Variants in PARP15 observed in about 807,000 individuals in gnomAD.
The protein encoded by PARP15 is protein mono-ADP-ribosyltransferase PARP15.
PARP15 carries 50 observed loss-of-function variants against 62.1 expected under a neutral mutation model. That is an observed-to-expected ratio of 0.81 (90% CI 0.64 to 1.02). The LOEUF (loss-of-function observed/expected upper bound fraction) is 1.02. Among genes scored for constraint, PARP15 ranks in the 50% least tolerant of loss-of-function variants. The probability of loss-of-function intolerance (pLI) is 0.00; values close to 1 mark genes in which losing one functional copy is unlikely to be tolerated. For missense variants in PARP15, 820 were observed against 826.5 expected (o/e 0.99, Z 0.10); for synonymous variants, 309 against 293.1 (o/e 1.05, Z -0.55).
At position 122,638,794 on chromosome 3, in the gene PARP15, C is replaced by T. The variant is rs958856209; in HGVS notation, c.*2694C>T. 6.6e-6 allele frequency: 1 copy of T among 152,104 alleles called. No individual in the cohort carries two copies. The highest frequency in any genetic ancestry group is 1.5e-5 in the Non-Finnish European group (1 of 68,010). The allele number at this position is 152,104 out of a possible 1,614,324, so 9.4% of individuals were successfully genotyped here. ...TAGTTTCTTTTGTTGTACAGAAGCT[C>T]TTTAGTTTAATTAGATCCCATATTT... is the stretch of plus-strand genomic sequence containing the variant. On this transcript the variant is annotated 3_prime_UTR_variant, in exon 12 of 12. Transcript: ENST00000464300.
At chr3:122,630,137 G>A (rs1261491988) in intron 9 of PARP15, among the ~76,000 whole-genome samples, 1 of 152,182 alleles carries the variant, frequency 6.6e-6, no homozygotes, top group African/African-American at 2.4e-5. Flanking sequence ...TAAAAGGGTA[G>A]TTATCATGCT....
At chr3:122,589,779 A>G (rs1933727900) in intron 1 of PARP15, among the ~76,000 whole-genome samples, 1 of 151,050 alleles carries the variant, frequency 6.6e-6, no homozygotes, top group Admixed American at 6.6e-5. Flanking sequence ...TACAAGTCTT[A>G]TTGGCTATAT....
At chr3:122,589,310 C>T (rs939472661) in intron 1 of PARP15, among the ~76,000 whole-genome samples, 1 of 152,130 alleles carries the variant, frequency 6.6e-6, no homozygotes, top group African/African-American at 2.4e-5. Flanking sequence ...TCCCGAGAGC[C>T]CCAACTCCAA....
chr3:122,610,658 C>T lies in PARP15; in HGVS notation c.471C>T (p.Cys157=). The change falls in exon 3 of 12, where the codon TGC becomes TGT. Residue 157 remains cysteine, a synonymous_variant. Transcript: ENST00000464300. ...KVGNIFMTSG[C]NLDCKAVLHA... is the part of the protein sequence containing the mutation. ...GTAACATATTCATGACAAGCGGCTGCAATCTGGACTGCAAAGCTGTGCTCC... is the reference window on the plus strand; with the variant it reads ...GTAACATATTCATGACAAGCGGCTGTAATCTGGACTGCAAAGCTGTGCTCC... The T allele has an allele frequency of 6.4e-7, 1 of 1,551,026 alleles. No homozygotes were observed. Among genetic ancestry groups the T allele is most frequent in the Non-Finnish European group, 8.7e-7 (1 of 1,146,586 alleles).
intron 1 of PARP15, chr3:122,594,429 A>G (rs568153363): frequency 3.1e-5 from 14 of 457,418 alleles, no homozygotes; most frequent in African/African-American, 2.5e-4. Context: ...AATTATTACT[A>G]TTATCATATT....
At position 122,605,005 on chromosome 3, in the gene PARP15, C is replaced by T. The variant is rs1935062017; in HGVS notation, c.187-931C>T. On this transcript the variant is annotated intron_variant, in intron 1 of 11. Transcript: ENST00000464300. ...GAGCCGAGATCACGCTACTTCACTG[C>T]AGCCTAGGTGACAGAGCAACACTCC... Among the ~76,000 whole-genome samples the T allele has an allele frequency of 4.6e-5, 7 of 152,124 alleles. No individual in the cohort carries two copies. In the South Asian group the frequency reaches 1.5e-3, roughly 32 times the overall value.
At chr3:122,621,418 GT>G in intron 7 of PARP15, 25 bp from the exon 8 acceptor site, 1 of 1,585,032 alleles carries the variant, frequency 6.3e-7, no homozygotes, top group Non-Finnish European at 8.6e-7. Context: ...TGGGCTGCAT[GT>G]TTGTTTTTCT....
chr3:122,622,369 C>G (rs917337783), intron 8 of PARP15, among the ~76,000 whole-genome samples: 1 of 152,178 alleles, frequency 6.6e-6, no homozygotes, highest in Non-Finnish European at 1.5e-5. Context: ...TGGGCTTTCT[C>G]GTTTCCTCCT....
rs552757371 is a variant in PARP15 at position 122,579,905 on chromosome 3, G to C, written c.186+2052G>C. ...GAGGTAGGAGAATTGCTGGAACCTG[G>C]GAGGCAGAGGTTGCAGTGAGCTGAG... On this transcript the variant is annotated intron_variant, in intron 1 of 11. Transcript: ENST00000464300. Among the ~76,000 whole-genome samples, 11 of 149,980 alleles carry C rather than the reference G, an allele frequency of 7.3e-5. 1 individual carries two copies. In the East Asian group the frequency reaches 2.2e-3, roughly 30 times the overall value.
intron 1 of PARP15, among the ~76,000 whole-genome samples, chr3:122,593,676 A>T (rs1403733276): frequency 6.6e-6 from 1 of 152,050 alleles, no homozygotes; most frequent in African/African-American, 2.4e-5. Context: ...TTATAAACAC[A>T]TTTGTTTTCT....
At chr3:122,631,776 T>C (rs138139031) in intron 9 of PARP15, among the ~76,000 whole-genome samples, 21 of 152,368 alleles carry the variant, frequency 1.4e-4, no homozygotes, top group African/African-American at 4.8e-4. Context: ...TGTTTACATA[T>C]TAGTTTCTTA....
chr3:122,610,975 CCTGT>C (rs2107535593), intron 3 of PARP15, among the ~76,000 whole-genome samples: 2 of 152,280 alleles, frequency 1.3e-5, no homozygotes, highest in South Asian at 2.1e-4. Flanking sequence ...TTGATTGAAC[CCTGT>C]CTATCTATTG....
intron 2 of PARP15, 84 bp downstream of exon 2, chr3:122,606,139 G>T (rs537227701): frequency 6.5e-5 from 92 of 1,405,760 alleles, no homozygotes; most frequent in Non-Finnish European, 2.7e-5. Flanking sequence ...GATTTAATTT[G>T]TTCTTTATCT....
chr3:122,635,499 C>T (rs1937306112), intron 11 of PARP15, among the ~76,000 whole-genome samples: 1 of 151,832 alleles, frequency 6.6e-6, no homozygotes, highest in South Asian at 2.1e-4. Context: ...GCCTTGATCT[C>T]TTGAGCTCAA....
At chr3:122,630,267 C>T (rs934688758) in intron 9 of PARP15, among the ~76,000 whole-genome samples, 6 of 152,188 alleles carry the variant, frequency 3.9e-5, no homozygotes, top group Admixed American at 1.3e-4. Flanking sequence ...ATTGTCTAGC[C>T]GAAGTCACCT....
rs1937491214 is a variant in PARP15 at position 122,638,937 on chromosome 3, A to C, written c.*2837A>C. ...ATCTTTCCCTATTTTATGTATATAG[A>C]ATTATAAAGTTTTTAAAAATGTAAT... is the stretch of plus-strand genomic sequence containing the variant. On this transcript the variant is annotated 3_prime_UTR_variant, in exon 12 of 12. Transcript: ENST00000464300. 6.6e-6 allele frequency: 1 copy of C among 152,162 alleles called. No individual in the cohort carries two copies. The highest frequency in any genetic ancestry group is 2.1e-4 in the South Asian group (1 of 4,822). 9.4% of individuals were successfully genotyped at this position (152,162 alleles called of 1,614,324 possible).
chr3:122,617,047 A>G lies in PARP15; in HGVS notation c.883A>G (p.Thr295Ala). The change falls in exon 6 of 12, where the codon ACA becomes GCA. Residue 295 changes from threonine (T) to alanine (A), a missense_variant. By Grantham distance (58) the Thr-to-Ala change is moderately conservative (BLOSUM62 0). Transcript: ENST00000464300. ...CGGGACTGTCTCTAAGCCTTGTTTC[A>G]CAGCATATGAAATGAAAATCGGTGC... ...VVGTVSKPCF[T>A]AYEMKIGAIT... 6.2e-7 allele frequency: 1 copy of G among 1,614,152 alleles called. No homozygotes were observed. The highest frequency in any genetic ancestry group is 8.5e-7 in the Non-Finnish European group (1 of 1,180,014).
At chr3:122,627,354 C>A (rs978962111) in intron 9 of PARP15, among the ~76,000 whole-genome samples, 1 of 152,142 alleles carries the variant, frequency 6.6e-6, no homozygotes, top group Non-Finnish European at 1.5e-5. Context: ...TATTGACCCT[C>A]ATTTCCTCTT....
chr3:122,618,908 G>T (rs1368286808), intron 6 of PARP15, among the ~76,000 whole-genome samples: 1 of 152,166 alleles, frequency 6.6e-6, no homozygotes, highest in African/African-American at 2.4e-5. Flanking sequence ...AATAGGAATG[G>T]ACTGGTGAAG....
Sources: gnomAD v4.1 joint callset for allele counts (sites outside exome capture counted in the v4.1 genomes callset) on GRCh38, gnomAD v4.1.1 for gene constraint, MANE v1.5 for transcripts, NCBI Gene and HGNC (gene_info 2026-07-23, HGNC 2026-07-21) for gene names.